SCLT1: variants seen among roughly 807,000 people sequenced by gnomAD.
SCLT1 encodes sodium channel and clathrin linker 1.
Under a neutral mutation model 112.8 loss-of-function variants are expected in SCLT1, and 78 were observed. That is an observed-to-expected ratio of 0.69 (90% CI 0.58 to 0.83). The LOEUF (loss-of-function observed/expected upper bound fraction) is 0.83. SCLT1 is among the 40% of genes least tolerant of loss of function. The pLI is 0.00. For synonymous variants in SCLT1, 257 were observed against 254.7 expected (o/e 1.01, Z -0.09); for missense variants, 747 against 770.4 (o/e 0.97, Z 0.36).
At chr4:129,074,164 T>C (rs1475055791) in intron 2 of SCLT1, among the ~76,000 whole-genome samples, 1 of 152,214 alleles carries the variant, frequency 6.6e-6, no homozygotes, top group Non-Finnish European at 1.5e-5. Context: ...TCTCATTCCA[T>C]ATTTTTATTA....
intron 9 of SCLT1, among the ~76,000 whole-genome samples, chr4:128,991,375 G>A (rs1742551049): frequency 6.6e-6 from 1 of 151,762 alleles, no homozygotes; most frequent in African/African-American, 2.4e-5. Flanking sequence ...GAAACTACTA[G>A]AAGAAAATGT....
At chr4:129,015,443 A>G (rs1442163901) in intron 5 of SCLT1, among the ~76,000 whole-genome samples, 1 of 152,084 alleles carries the variant, frequency 6.6e-6, no homozygotes, top group East Asian at 1.9e-4. Context: ...GCAGCAGACC[A>G]AGGGGAGCTC....
At chr4:128,943,235 T>C (rs766654222) in intron 16 of SCLT1, 47 bp from the exon 17 acceptor site, 4 of 1,299,006 alleles carry the variant, frequency 3.1e-6, no homozygotes, top group African/African-American at 1.5e-5. Context: ...TAATGATCTA[T>C]AGTAGAAGAT....
chr4:129,017,706 A>C (rs1745116168), intron 5 of SCLT1, among the ~76,000 whole-genome samples: 1 of 152,232 alleles, frequency 6.6e-6, no homozygotes, highest in South Asian at 2.1e-4. Flanking sequence ...GAAAATAAAA[A>C]AGAGAAAGTA....
At chr4:128,931,698 G>C (rs191226337) in intron 18 of SCLT1, among the ~76,000 whole-genome samples, 32 of 152,220 alleles carry the variant, frequency 2.1e-4, no homozygotes, top group African/African-American at 7.7e-4. Context: ...TCTTGACCTC[G>C]TGATCAGCCC....
chr4:128,964,621 G>A (rs1246361834), intron 11 of SCLT1, among the ~76,000 whole-genome samples: 2 of 152,172 alleles, frequency 1.3e-5, no homozygotes, highest in African/African-American at 4.8e-5. Flanking sequence ...CTAAAAAATA[G>A]TTTTTAAAAA....
intron 5 of SCLT1, among the ~76,000 whole-genome samples, chr4:129,016,447 T>C (rs1745003834): frequency 6.6e-6 from 1 of 152,212 alleles, no homozygotes; most frequent in Admixed American, 6.5e-5. Flanking sequence ...AAAGCAGTTT[T>C]TTAAAGGCCA....
At chr4:128,928,809 GA>G (rs937582973) in intron 18 of SCLT1, among the ~76,000 whole-genome samples, 1 of 148,680 alleles carries the variant, frequency 6.7e-6, no homozygotes, top group Non-Finnish European at 1.5e-5. Context: ...TCCAGCCCGG[GA>G]AACAAGAGCG....
intron 5 of SCLT1, among the ~76,000 whole-genome samples, chr4:129,013,637 A>G (rs565187301): frequency 2.6e-5 from 4 of 152,216 alleles, no homozygotes; most frequent in South Asian, 2.1e-4. Context: ...TTGGCCCCCA[A>G]TTGCTTCTGG....
chr4:129,072,106 A>T (rs2125755300), intron 2 of SCLT1, among the ~76,000 whole-genome samples: 1 of 152,280 alleles, frequency 6.6e-6, no homozygotes, highest in East Asian at 1.9e-4. Context: ...ATCTTGGCTG[A>T]TAATTGTTTT....
At position 128,948,355 on chromosome 4, in the gene SCLT1, A is replaced by G. The variant is rs531627960; in HGVS notation, c.1293+141T>C. Reference sequence around the variant, plus strand: ...CATTGCAAAAAAAAAAAAAAAAAAAAAAAAGAAAAGAAAAGAAAAACTTAC... The same window carrying G: ...CATTGCAAAAAAAAAAAAAAAAAAAGAAAAGAAAAGAAAAGAAAAACTTAC... On this transcript the variant is annotated intron_variant, in intron 15 of 20. Coordinates refer to ENST00000281142, the MANE Select transcript of SCLT1 (RefSeq NM_144643.4). 964 of 1,018,288 alleles carry G rather than the reference A, an allele frequency of 9.5e-4. 29 individuals are homozygous for G. The East Asian group carries it at 0.014, about 14-fold the overall frequency. 63.1% of individuals were successfully genotyped at this position (1,018,288 alleles called of 1,614,324 possible). A position where few individuals can be genotyped will look rare whatever the true frequency, so the allele number is the denominator to read the frequency against.
Position 129,069,100 on chromosome 4 carries a change from T to G in SCLT1, c.102+13206A>C, listed in dbSNP as rs147395863. Among the ~76,000 whole-genome samples, 393 of 152,284 alleles carry G rather than the reference T, an allele frequency of 2.6e-3. 10 individuals carry two copies. In the East Asian group the frequency reaches 0.057, roughly 22 times the overall value. ...GTTGGCTCTAAGTATTTGGGTTTAT[T>G]TTTGGGTTCTCTATTCCGTTCCATT... On this transcript the variant is annotated intron_variant, in intron 2 of 20. Transcript: ENST00000281142.
chr4:129,040,954 T>C (rs1747647679), intron 4 of SCLT1, among the ~76,000 whole-genome samples: 1 of 152,124 alleles, frequency 6.6e-6, no homozygotes, highest in Non-Finnish European at 1.5e-5. Context: ...CCTTTGGCGG[T>C]AAAGAATGCA....
chr4:129,089,136 C>T (rs1352680332), intron 1 of SCLT1, among the ~76,000 whole-genome samples: 2 of 152,156 alleles, frequency 1.3e-5, no homozygotes, highest in Non-Finnish European at 2.9e-5. Flanking sequence ...CCACAATCTA[C>T]AAAGAACTTA....
downstream of SCLT1, among the ~76,000 whole-genome samples, chr4:128,882,923 G>T (rs1732675096): frequency 6.6e-6 from 1 of 152,054 alleles, no homozygotes; most frequent in Non-Finnish European, 1.5e-5. Context: ...GAGGCGGGCA[G>T]ATCACCTGAG....
chr4:128,965,102 C>T, intron 11 of SCLT1, 125 bp downstream of exon 11: 12 of 570,422 alleles, frequency 2.1e-5, no homozygotes, highest in Non-Finnish European at 2.8e-5. Flanking sequence ...GATTTTACAC[C>T]TATGATTATA....
intron 5 of SCLT1, among the ~76,000 whole-genome samples, chr4:129,029,074 T>C (rs944722070): frequency 6.6e-6 from 1 of 152,188 alleles, no homozygotes; most frequent in Non-Finnish European, 1.5e-5. Context: ...TTTACACTGT[T>C]GGTGGGACTG....
chr4:129,060,802 C>A (rs1749898113), intron 2 of SCLT1, among the ~76,000 whole-genome samples: 1 of 152,114 alleles, frequency 6.6e-6, no homozygotes, highest in African/African-American at 2.4e-5. Context: ...GCACTGGGTT[C>A]CTGGTGCAGG....
chr4:129,059,458 T>C (rs1393599375), intron 2 of SCLT1, among the ~76,000 whole-genome samples: 1 of 152,194 alleles, frequency 6.6e-6, no homozygotes, highest in Non-Finnish European at 1.5e-5. Context: ...CCAGTGAGTT[T>C]TGTATTTTTA....
Sources: gnomAD v4.1 joint callset for allele counts (sites outside exome capture counted in the v4.1 genomes callset) on GRCh38, gnomAD v4.1.1 for gene constraint, MANE v1.5 for transcripts, NCBI Gene and HGNC (gene_info 2026-07-23, HGNC 2026-07-21) for gene names.